ANKS1B: variants seen among roughly 807,000 people sequenced by gnomAD.
The protein encoded by ANKS1B is ankyrin repeat and sterile alpha motif domain-containing protein 1B.
A neutral mutation model predicts 148.3 loss-of-function variants in ANKS1B; 36 were observed. The ratio of observed to expected loss-of-function variants is 0.24; its 90% CI spans 0.19 to 0.32. The LOEUF (loss-of-function observed/expected upper bound fraction) is 0.32, where lower values mean the gene tolerates loss of function less well. ANKS1B is among the 10% of genes least tolerant of loss of function. The pLI is 1.00. For synonymous variants in ANKS1B, 542 were observed against 560.8 expected, an observed-to-expected ratio of 0.97 and a Z score of 0.47; for missense variants, 1,157 against 1,542.6, an observed-to-expected ratio of 0.75 and a Z score of 4.19.
intron 11 of ANKS1B, among the ~76,000 whole-genome samples, chr12:99,433,700 C>T (rs955607938): frequency 1.4e-4 from 21 of 152,092 alleles, no homozygotes; most frequent in Non-Finnish European, 5.9e-5. Context: ...GCCTGGAGTT[C>T]AGGGAAGTGG....
chr12:99,958,611 C>T (rs1291052021), intron 1 of ANKS1B, among the ~76,000 whole-genome samples: 1 of 152,188 alleles, frequency 6.6e-6, no homozygotes, highest in African/African-American at 2.4e-5. Flanking sequence ...TCTCTAACTC[C>T]TGAGCTCAAA....
chr12:98,950,122 C>T (rs1209074054), intron 17 of ANKS1B, among the ~76,000 whole-genome samples: 3 of 152,162 alleles, frequency 2.0e-5, no homozygotes, highest in Non-Finnish European at 4.4e-5. Flanking sequence ...TGCATTAAGA[C>T]CGTAGGTCAG....
intron 4 of ANKS1B, among the ~76,000 whole-genome samples, chr12:99,789,115 G>A (rs9971760): frequency 0.65 from 99,228 of 151,952 alleles, 32,648 homozygotes; most frequent in African/African-American, 0.72. Flanking sequence ...GGTGGTTTCC[G>A]AAGGGGTGTT....
At position 99,408,217 on chromosome 12, in the gene ANKS1B, T is replaced by C. The variant is rs986083623; in HGVS notation, c.1576-8406A>G. Among the ~76,000 whole-genome samples the C allele has an allele frequency of 1.2e-4, 17 of 145,782 alleles. 2 individuals carry two copies. The highest frequency in any genetic ancestry group is 1.2e-3 in the Admixed American group (17 of 14,676). On this transcript the variant is annotated intron_variant, in intron 11 of 26. Transcript: ENST00000683438. Reference sequence around the variant, plus strand: ...CTATACACTGACAGTGAATTCATTTTTGACAAAGGTGTCAAGAACATACAC... The same window carrying C: ...CTATACACTGACAGTGAATTCATTTCTGACAAAGGTGTCAAGAACATACAC...
intron 16 of ANKS1B, among the ~76,000 whole-genome samples, chr12:99,074,046 T>A (rs939234917): frequency 6.6e-6 from 1 of 152,158 alleles, no homozygotes; most frequent in Non-Finnish European, 1.5e-5. Flanking sequence ...GTGATTATTC[T>A]TTGACGAATT....
At chr12:99,164,763 CT>C (rs1240566471) in intron 14 of ANKS1B, among the ~76,000 whole-genome samples, 3 of 151,986 alleles carry the variant, frequency 2.0e-5, no homozygotes, top group African/African-American at 7.2e-5. Flanking sequence ...CTAGGTTTTG[CT>C]GATAATCATT....
At chr12:99,283,129 A>AT (rs1221188471) in intron 12 of ANKS1B, among the ~76,000 whole-genome samples, 1 of 152,174 alleles carries the variant, frequency 6.6e-6, no homozygotes, top group Non-Finnish European at 1.5e-5. Context: ...TTCAGTTTCC[A>AT]TAAGTGAAAA....
intron 17 of ANKS1B, among the ~76,000 whole-genome samples, chr12:98,865,396 C>A (rs1042976433): frequency 1.3e-5 from 2 of 152,162 alleles, no homozygotes; most frequent in Non-Finnish European, 2.9e-5. Context: ...ATCTTCAATT[C>A]CATCACCCAT....
intron 9 of ANKS1B, among the ~76,000 whole-genome samples, chr12:99,552,604 T>C (rs1056643295): frequency 1.3e-5 from 2 of 152,214 alleles, no homozygotes; most frequent in Middle Eastern, 3.2e-3. Flanking sequence ...TTTCTAAAGT[T>C]ATATTATGGC....
chr12:99,907,832 A>C (rs867122599), intron 1 of ANKS1B, among the ~76,000 whole-genome samples: 20 of 151,430 alleles, frequency 1.3e-4, no homozygotes, highest in Middle Eastern at 6.8e-3. Context: ...AAAAAAAAAA[A>C]AAAAAACTGT....
intron 12 of ANKS1B, among the ~76,000 whole-genome samples, chr12:99,294,367 T>C (rs1357445853): frequency 3.3e-5 from 5 of 152,182 alleles, no homozygotes; most frequent in Admixed American, 3.3e-4. Context: ...GATCCTGTCA[T>C]TTGCAACAAC....
intron 19 of ANKS1B, among the ~76,000 whole-genome samples, chr12:98,819,240 G>T (rs1308706440): frequency 6.6e-6 from 1 of 152,220 alleles, no homozygotes; most frequent in Non-Finnish European, 1.5e-5. Flanking sequence ...GCTGAGAAAG[G>T]AGGCGTAGCT....
chr12:98,898,144 A>C (rs1323210054), intron 17 of ANKS1B, among the ~76,000 whole-genome samples: 1 of 152,222 alleles, frequency 6.6e-6, no homozygotes, highest in Non-Finnish European at 1.5e-5. Flanking sequence ...CTAGAAACCC[A>C]ACCTCACCGT....
At chr12:99,790,657 GTGTT>G (rs777775267) in intron 4 of ANKS1B, among the ~76,000 whole-genome samples, 10 of 152,122 alleles carry the variant, frequency 6.6e-5, no homozygotes, top group South Asian at 2.1e-4. Context: ...TTCTTTTTGT[GTGTT>G]TGTTTGTTTA....
intron 14 of ANKS1B, among the ~76,000 whole-genome samples, chr12:99,170,268 C>T (rs183393518): frequency 1.3e-5 from 2 of 152,308 alleles, no homozygotes; most frequent in East Asian, 3.9e-4. Flanking sequence ...AGACAGCTGC[C>T]TTGATGAGAT....
At chr12:99,698,010 C>T (rs1028640035) in intron 8 of ANKS1B, among the ~76,000 whole-genome samples, 3 of 151,692 alleles carry the variant, frequency 2.0e-5, no homozygotes, top group African/African-American at 7.3e-5. Flanking sequence ...ACCAGAAAAA[C>T]GTTAGATTAC....
At chr12:99,934,190 T>C (rs886843503) in intron 1 of ANKS1B, among the ~76,000 whole-genome samples, 4 of 152,182 alleles carry the variant, frequency 2.6e-5, no homozygotes, top group African/African-American at 7.2e-5. Flanking sequence ...TTGTTGAGGA[T>C]TTCTGCATCA....
intron 8 of ANKS1B, among the ~76,000 whole-genome samples, chr12:99,667,577 T>C (rs1465882290): frequency 3.3e-5 from 5 of 152,180 alleles, no homozygotes; most frequent in African/African-American, 1.2e-4. Flanking sequence ...ATGCCTTTAT[T>C]TTCTAGCCCT....
In ANKS1B at chr12:99,408,888, T is replaced by C. The variant is rs530214117; in HGVS notation, c.1576-9077A>G. On this transcript the variant is annotated intron_variant, in intron 11 of 26. Coordinates refer to ENST00000683438, the MANE Select transcript of ANKS1B (RefSeq NM_001352186.2). The stretch of plus-strand genomic sequence containing the variant: ...GGATGTAGAGAAAATGAAACCCTTG[T>C]AAACTGCTGGTGGGAATGTAAATTA... Among the ~76,000 whole-genome samples, 4 of 123,072 alleles carry C rather than the reference T, an allele frequency of 3.3e-5. 2 individuals carry two copies. Among genetic ancestry groups the C allele is most frequent in the Non-Finnish European group, 7.2e-5 (4 of 55,492 alleles). The allele number at this position is 123,072 out of a possible 152,430, so 80.7% of individuals were successfully genotyped here.
Sources: gnomAD v4.1 joint callset for allele counts (sites outside exome capture counted in the v4.1 genomes callset) on GRCh38, gnomAD v4.1.1 for gene constraint, MANE v1.5 for transcripts, NCBI Gene and HGNC (gene_info 2026-07-23, HGNC 2026-07-21) for gene names.